Variants in ABCA1 observed in about 807,000 individuals in gnomAD.
ABCA1 encodes the protein phospholipid-transporting ATPase ABCA1.
In ABCA1, 133 loss-of-function variants were observed where a neutral mutation model predicts 262.5. That is an observed-to-expected ratio of 0.51 (90% confidence interval 0.44 to 0.59). The LOEUF is 0.59. Among genes scored for constraint, ABCA1 ranks in the 20% least tolerant of loss-of-function variants. The pLI, the probability that ABCA1 is intolerant of heterozygous loss-of-function variation, is 0.00. For missense variants in ABCA1, 2,452 were observed against 2,777.5 expected, an observed-to-expected ratio of 0.88 and a Z score of 2.63; for synonymous variants, 1,022 against 1,043.5, an observed-to-expected ratio of 0.98 and a Z score of 0.40.
chr9:104,814,287 T>C, intron 26 of ABCA1, 56 bp from the exon 27 acceptor site: 1 of 1,588,150 alleles, frequency 6.3e-7, no homozygotes, highest in South Asian at 1.1e-5. Flanking sequence ...AAAACAAACC[T>C]TCCCCATCTG....
chr9:104,848,997 C>T (rs1212178433), intron 7 of ABCA1, among the ~76,000 whole-genome samples: 1 of 152,134 alleles, frequency 6.6e-6, no homozygotes, highest in Non-Finnish European at 1.5e-5. Flanking sequence ...GTCACCATTA[C>T]CGGTCATCTG....
chr9:104,856,210 C>A (rs1158066310), intron 7 of ABCA1: 4 of 1,408,678 alleles, frequency 2.8e-6, no homozygotes, highest in Non-Finnish European at 3.7e-6. Flanking sequence ...GTAAGAGTCA[C>A]ATTTCAAAAT....
chr9:104,850,213 C>CT (rs1316514714), intron 7 of ABCA1, among the ~76,000 whole-genome samples: 2 of 152,172 alleles, frequency 1.3e-5, no homozygotes, highest in Non-Finnish European at 2.9e-5. Context: ...CCTCCCCCTC[C>CT]TGGGTTCAAG....
At position 104,823,583 on chromosome 9, in the gene ABCA1, A is replaced by G. The variant is rs552037329; in HGVS notation, c.2656+882T>C. On this transcript the variant is annotated intron_variant, in intron 18 of 49. Transcript: ENST00000374736. ...AGGGCAGAGAGTGACTGACTACCTGAGAACCAAGGAGGGATGCTCAGGGGA... is the reference window on the plus strand; with the variant it reads ...AGGGCAGAGAGTGACTGACTACCTGGGAACCAAGGAGGGATGCTCAGGGGA... Among the ~76,000 whole-genome samples the G allele has an allele frequency of 5.7e-4, 87 of 152,318 alleles. 1 individual carries two copies. Among genetic ancestry groups the G allele is most frequent in the African/African-American group, 1.9e-3 (81 of 41,558 alleles).
chr9:104,891,044 T>A (rs1839692988), intron 2 of ABCA1, among the ~76,000 whole-genome samples: 1 of 152,196 alleles, frequency 6.6e-6, no homozygotes, highest in South Asian at 2.1e-4. Context: ...GGGAGAGCAT[T>A]TCCCATGACA....
chr9:104,831,953 C>G (rs1200378768), intron 12 of ABCA1, 126 bp from the exon 13 acceptor site: 1 of 940,056 alleles, frequency 1.1e-6, no homozygotes, highest in African/African-American at 1.6e-5. Flanking sequence ...CTAATCCTCT[C>G]TAACGTAGTT....
At chr9:104,804,578 C>T in intron 32 of ABCA1, 48 bp downstream of exon 32, 2 of 1,431,784 alleles carry the variant, frequency 1.4e-6, no homozygotes, top group Non-Finnish European at 2.0e-6. Flanking sequence ...TCTTTAATTC[C>T]TCTAATTAGT....
intron 31 of ABCA1, 129 bp downstream of exon 31, chr9:104,806,112 A>T: frequency 9.4e-7 from 1 of 1,066,656 alleles, no homozygotes; most frequent in Non-Finnish European, 1.4e-6. Context: ...CTCAGAAAAA[A>T]AAACAAAAAA....
intron 7 of ABCA1, among the ~76,000 whole-genome samples, chr9:104,854,161 T>C (rs1026948685): frequency 2.0e-5 from 3 of 152,338 alleles, no homozygotes; most frequent in Non-Finnish European, 2.9e-5. Flanking sequence ...GAAGGAATGA[T>C]GGCAACCTTT....
Position 104,784,508 on chromosome 9 carries a change from T to C in ABCA1, c.6646-53A>G. On this transcript the variant is annotated intron_variant, in intron 49 of 49. Transcript: ENST00000374736. ...TAAATACCACTCAACTTGCTCATTC[T>C]TTATTCTAGTTCTATTTTTCCAGAT... 8 of 1,607,304 alleles carry C rather than the reference T, an allele frequency of 5.0e-6. No homozygotes were observed. The South Asian group carries it at 7.7e-5, about 16-fold the overall frequency.
chr9:104,860,964 C>G (rs13296935), intron 6 of ABCA1, among the ~76,000 whole-genome samples: 4 of 152,012 alleles, frequency 2.6e-5, no homozygotes, highest in Admixed American at 1.3e-4. Flanking sequence ...CCATGTTGGC[C>G]AGGATGGTCT....
At chr9:104,837,919 C>G (rs1833966784) in intron 9 of ABCA1, among the ~76,000 whole-genome samples, 1 of 152,348 alleles carries the variant, frequency 6.6e-6, no homozygotes, top group South Asian at 2.1e-4. Context: ...CAGATTCACA[C>G]TCTCATGCCA....
intron 30 of ABCA1, among the ~76,000 whole-genome samples, chr9:104,807,081 C>G (rs1025607993): frequency 6.6e-6 from 1 of 152,116 alleles, no homozygotes; most frequent in Non-Finnish European, 1.5e-5. Context: ...AGGAAGACAG[C>G]ATGGCTGGAG....
intron 6 of ABCA1, among the ~76,000 whole-genome samples, chr9:104,859,053 G>A (rs1836102952): frequency 6.6e-6 from 1 of 152,194 alleles, no homozygotes; most frequent in Non-Finnish European, 1.5e-5. Flanking sequence ...ACTTTTATTA[G>A]ATGAACAACA....
chr9:104,898,039 C>G (rs1020541195), intron 2 of ABCA1, among the ~76,000 whole-genome samples: 1 of 152,182 alleles, frequency 6.6e-6, no homozygotes, highest in Non-Finnish European at 1.5e-5. Flanking sequence ...GCCTACACAT[C>G]AGAAATCATT....
intron 32 of ABCA1, among the ~76,000 whole-genome samples, chr9:104,804,146 C>T (rs746151414): frequency 1.3e-5 from 2 of 152,160 alleles, no homozygotes; most frequent in Non-Finnish European, 2.9e-5. Flanking sequence ...AGCTAGAAGG[C>T]TCTCCCAAGG....
intron 7 of ABCA1, among the ~76,000 whole-genome samples, chr9:104,845,871 C>G (rs1834824276): frequency 6.6e-6 from 1 of 152,222 alleles, no homozygotes; most frequent in Non-Finnish European, 1.5e-5. Flanking sequence ...CAATACAACT[C>G]TGACCGCAAA....
chr9:104,809,823 A>C (rs1301179757), intron 29 of ABCA1, among the ~76,000 whole-genome samples: 1 of 152,152 alleles, frequency 6.6e-6, no homozygotes, highest in Non-Finnish European at 1.5e-5. Context: ...ATGTGTACAC[A>C]CATGTACATA....
In ABCA1 at chr9:104,820,087, G is replaced by A. The variant is rs747498314; in HGVS notation, c.2961-18C>T. Reference sequence around the variant, plus strand: ...CAGTCAGCCTGGGGACAGGGAGGCAGGTCAGCTCTGGGCCCTACTGGATAC... The same window carrying A: ...CAGTCAGCCTGGGGACAGGGAGGCAAGTCAGCTCTGGGCCCTACTGGATAC... On this transcript the variant is annotated intron_variant, in intron 20 of 49. Transcript: ENST00000374736. 6.2e-7 allele frequency: 1 copy of A among 1,614,028 alleles called. No homozygotes were observed. The highest frequency in any genetic ancestry group is 1.1e-5 in the South Asian group (1 of 91,078).
Sources: gnomAD v4.1 joint callset for allele counts (sites outside exome capture counted in the v4.1 genomes callset) on GRCh38, gnomAD v4.1.1 for gene constraint, MANE v1.5 for transcripts, NCBI Gene and HGNC (gene_info 2026-07-23, HGNC 2026-07-21) for gene names.